Variants in ARHGAP15 observed in about 807,000 individuals in gnomAD.
ARHGAP15 encodes the protein rho GTPase-activating protein 15.
ARHGAP15 carries 51 observed loss-of-function variants against 63.7 expected under a neutral mutation model. The ratio of observed to expected loss-of-function variants is 0.80; its 90% CI spans 0.64 to 1.01. The LOEUF (loss-of-function observed/expected upper bound fraction) is 1.01, where lower values mean the gene tolerates loss of function less well. Ranked by LOEUF, ARHGAP15 falls within the 50% of genes least tolerant of loss-of-function variation. The pLI, the probability that ARHGAP15 is intolerant of heterozygous loss-of-function variation, is 0.00. For missense variants in ARHGAP15, 560 were observed against 564.6 expected, an observed-to-expected ratio of 0.99 and a Z score of 0.08; for synonymous variants, 191 against 193.8, an observed-to-expected ratio of 0.99 and a Z score of 0.12.
At chr2:143,626,231 T>C (rs151211988) in intron 12 of ARHGAP15, among the ~76,000 whole-genome samples, 1 of 152,256 alleles carries the variant, frequency 6.6e-6, no homozygotes, top group African/African-American at 2.4e-5. Context: ...CCTAAGAAAG[T>C]CTTTCAAAAA....
At chr2:143,184,632 T>TA (rs201887617) in intron 2 of ARHGAP15, among the ~76,000 whole-genome samples, 3,860 of 146,270 alleles carry the variant, frequency 0.026, 159 homozygotes, top group African/African-American at 0.088. Flanking sequence ...TGGAGGTAGG[T>TA]AAAAAAAAAA....
Position 143,397,026 on chromosome 2 carries a change from TAG to T in ARHGAP15, c.475-38572_475-38571del, listed in dbSNP as rs200035283. Among the ~76,000 whole-genome samples the T allele has an allele frequency of 7.2e-3, 1,102 of 152,176 alleles. 9 individuals are homozygous for T. The highest frequency in any genetic ancestry group is 0.025 in the African/African-American group (1,052 of 41,534). On this transcript the variant is annotated intron_variant, in intron 6 of 13. Coordinates refer to ENST00000295095, the MANE Select transcript of ARHGAP15 (RefSeq NM_018460.4). The stretch of plus-strand genomic sequence containing the variant: ...AGTCTTTGACATTTCTTTTTGAAAA[TAG>T]AGTTCTCCTCCTCCACATTATTTCC...
chr2:143,561,000 T>C (rs1162999132), intron 11 of ARHGAP15, among the ~76,000 whole-genome samples: 1 of 152,204 alleles, frequency 6.6e-6, no homozygotes, highest in East Asian at 1.9e-4. Context: ...TGTCAACCTG[T>C]CATCAGCCTG....
intron 1 of ARHGAP15, among the ~76,000 whole-genome samples, chr2:143,150,572 A>G (rs1389974654): frequency 2.0e-5 from 3 of 152,010 alleles, no homozygotes; most frequent in Non-Finnish European, 2.9e-5. Flanking sequence ...TAAAATCAGG[A>G]AGTCTAGAGA....
At chr2:143,612,430 G>A (rs748083982) in intron 11 of ARHGAP15, among the ~76,000 whole-genome samples, 6 of 152,216 alleles carry the variant, frequency 3.9e-5, no homozygotes, top group Admixed American at 2.0e-4. Flanking sequence ...TAAATGTCCT[G>A]TGTGTGATGC....
intron 6 of ARHGAP15, among the ~76,000 whole-genome samples, chr2:143,402,150 CAGA>C (rs1688012262): frequency 1.3e-5 from 2 of 151,856 alleles, no homozygotes; most frequent in Admixed American, 6.6e-5. Flanking sequence ...GCATCACAGA[CAGA>C]AGGAGAACTT....
At chr2:143,184,632 TA>T (rs201887617) in intron 2 of ARHGAP15, among the ~76,000 whole-genome samples, 41 of 146,484 alleles carry the variant, frequency 2.8e-4, no homozygotes, top group Admixed American at 7.5e-4. Flanking sequence ...TGGAGGTAGG[TA>T]AAAAAAAAAA....
At chr2:143,190,265 T>C (rs1574069980) in intron 2 of ARHGAP15, among the ~76,000 whole-genome samples, 1 of 152,202 alleles carries the variant, frequency 6.6e-6, no homozygotes, top group African/African-American at 2.4e-5. Context: ...TTTCCTTGTG[T>C]TTGGAGCAGG....
At chr2:143,276,578 C>G (rs1681563822) in intron 6 of ARHGAP15, among the ~76,000 whole-genome samples, 1 of 151,998 alleles carries the variant, frequency 6.6e-6, no homozygotes, top group Non-Finnish European at 1.5e-5. Flanking sequence ...TTTCATATGC[C>G]TACATATTCC....
intron 2 of ARHGAP15, among the ~76,000 whole-genome samples, chr2:143,188,547 G>A (rs554015142): frequency 1.0e-3 from 152 of 151,262 alleles, no homozygotes; most frequent in Non-Finnish European, 1.8e-3. Context: ...AACACGCAGT[G>A]CAGAACATGT....
At chr2:143,534,583 A>G (rs1250830362) in intron 10 of ARHGAP15, among the ~76,000 whole-genome samples, 3 of 152,174 alleles carry the variant, frequency 2.0e-5, no homozygotes, top group Non-Finnish European at 2.9e-5. Context: ...CTATAGAAAA[A>G]AAGACCTATA....
At chr2:143,384,188 AT>A (rs111623325) in intron 6 of ARHGAP15, among the ~76,000 whole-genome samples, 44 of 149,942 alleles carry the variant, frequency 2.9e-4, no homozygotes, top group African/African-American at 6.8e-4. Flanking sequence ...ATGCCTGTTG[AT>A]TTTTTTTTTC....
intron 10 of ARHGAP15, among the ~76,000 whole-genome samples, chr2:143,540,436 T>C (rs9798142): frequency 0.21 from 31,576 of 152,168 alleles, 3,924 homozygotes; most frequent in East Asian, 0.42. Context: ...AGCTGGTTAT[T>C]TTGCTTGTTA....
At chr2:143,266,335 T>A (rs1680993515) in intron 6 of ARHGAP15, among the ~76,000 whole-genome samples, 1 of 152,144 alleles carries the variant, frequency 6.6e-6, no homozygotes, top group African/African-American at 2.4e-5. Flanking sequence ...GGTGAAAATT[T>A]CAGTGATAGG....
intron 11 of ARHGAP15, among the ~76,000 whole-genome samples, chr2:143,592,033 A>C (rs539004506): frequency 4.8e-4 from 73 of 152,264 alleles, no homozygotes; most frequent in Middle Eastern, 3.4e-3. Flanking sequence ...TGTTTCAAAT[A>C]TTATTTATTA....
intron 12 of ARHGAP15, among the ~76,000 whole-genome samples, chr2:143,697,924 A>G (rs1395092657): frequency 6.6e-6 from 1 of 152,216 alleles, no homozygotes; most frequent in Non-Finnish European, 1.5e-5. Flanking sequence ...GAGAACTGCT[A>G]TTCTTCCAAA....
At chr2:143,349,515 TTGAG>T (rs773640447) in intron 6 of ARHGAP15, among the ~76,000 whole-genome samples, 3 of 152,210 alleles carry the variant, frequency 2.0e-5, no homozygotes, top group African/African-American at 4.8e-5. Context: ...TATGTTGAAA[TTGAG>T]TGAGGGTCAC....
intron 1 of ARHGAP15, among the ~76,000 whole-genome samples, chr2:143,137,488 A>G (rs868037726): frequency 2.0e-5 from 3 of 152,026 alleles, no homozygotes; most frequent in Non-Finnish European, 2.9e-5. Context: ...TATATGTACT[A>G]TATATATGGT....
chr2:143,262,080 T>C (rs1574172755), intron 6 of ARHGAP15, among the ~76,000 whole-genome samples: 2 of 152,180 alleles, frequency 1.3e-5, no homozygotes, highest in East Asian at 1.9e-4. Context: ...CCACAGCAGA[T>C]AGTAAAAGAT....
Sources: allele counts gnomAD v4.1 joint callset (sites outside exome capture counted in the v4.1 genomes callset), GRCh38; gene constraint gnomAD v4.1.1; transcripts MANE v1.5; gene names NCBI Gene and HGNC (gene_info 2026-07-23, HGNC 2026-07-21).